Variants in MED13 observed in about 807,000 individuals in gnomAD.
The protein encoded by MED13 is mediator of RNA polymerase II transcription subunit 13.
A neutral mutation model predicts 225.2 loss-of-function variants in MED13; 23 were observed. That is an observed-to-expected ratio of 0.10 (90% CI 0.07 to 0.14). MED13 has a LOEUF of 0.14. MED13 is among the 10% of genes least tolerant of loss of function. The pLI is 1.00. For synonymous variants in MED13, 942 were observed against 889.2 expected (o/e 1.06, Z -1.06); for missense variants, 2,197 against 2,594.5 (o/e 0.85, Z 3.33).
rs967593384 is a variant in MED13 at position 62,016,180 on chromosome 17, A to AC, written c.1284-4948_1284-4947insG. 2.7e-4 allele frequency among the ~76,000 whole-genome samples: 40 copies of AC among 145,736 alleles called. 1 individual carries two copies. The highest frequency in any genetic ancestry group is 9.3e-4 in the African/African-American group (37 of 39,996). ...ACACAAAAAACCAAGAACAACAACA[A>AC]AAAAAAAAACCCAGCAGGTCCTACC... On this transcript the variant is annotated intron_variant, in intron 8 of 29. Transcript: ENST00000397786.
At chr17:62,060,680 T>C (rs1315580604) in intron 2 of MED13, among the ~76,000 whole-genome samples, 4 of 151,082 alleles carry the variant, frequency 2.6e-5, no homozygotes, top group African/African-American at 9.7e-5. Context: ...CAAAATTATT[T>C]TCATTCACGT....
chr17:61,964,999 A>G lies in MED13; in HGVS notation c.4844+7T>C. On this transcript the variant is annotated splice_region_variant and intron_variant, in intron 20 of 29. Coordinates refer to ENST00000397786, the MANE Select transcript of MED13 (RefSeq NM_005121.3). ...ATTTCTGCAAAAATCAGTATTTTTAAAGGTACCTTTCAGACACATCAGGAT... is the reference window on the plus strand; with the variant it reads ...ATTTCTGCAAAAATCAGTATTTTTAGAGGTACCTTTCAGACACATCAGGAT... The G allele has an allele frequency of 6.2e-7, 1 of 1,600,154 alleles. No homozygotes were observed. Among genetic ancestry groups the G allele is most frequent in the Non-Finnish European group, 8.5e-7 (1 of 1,174,218 alleles).
chr17:62,010,284 G>A, intron 9 of MED13: 1 of 300,500 alleles, frequency 3.3e-6, no homozygotes, highest in East Asian at 5.5e-5. Flanking sequence ...AACAGTACAT[G>A]GGAATTCTAA....
intron 8 of MED13, among the ~76,000 whole-genome samples, chr17:62,015,207 G>C (rs1349710387): frequency 6.6e-6 from 1 of 152,116 alleles, no homozygotes; most frequent in African/African-American, 2.4e-5. Flanking sequence ...CATAATATTA[G>C]GTATGACGGT....
At chr17:62,056,224 T>C (rs2080995325) in intron 2 of MED13, among the ~76,000 whole-genome samples, 1 of 151,900 alleles carries the variant, frequency 6.6e-6, no homozygotes, top group South Asian at 2.1e-4. Flanking sequence ...CCTGACAATC[T>C]AATAACTGTA....
intron 9 of MED13, among the ~76,000 whole-genome samples, chr17:62,008,466 G>A (rs1160912554): frequency 6.6e-6 from 1 of 151,848 alleles, no homozygotes; most frequent in Non-Finnish European, 1.5e-5. Context: ...AGAAGAGATC[G>A]CGTTTTTTTA....
intron 3 of MED13, among the ~76,000 whole-genome samples, chr17:62,045,273 C>CT (rs1368352067): frequency 1.3e-5 from 2 of 152,154 alleles, no homozygotes; most frequent in African/African-American, 4.8e-5. Context: ...GCATTTAAAA[C>CT]TTTTGCTAAA....
intron 27 of MED13, among the ~76,000 whole-genome samples, chr17:61,952,231 G>A (rs2079902819): frequency 6.6e-6 from 1 of 152,176 alleles, no homozygotes; most frequent in African/African-American, 2.4e-5. Flanking sequence ...GTTATTAACT[G>A]AAGCCCAGTT....
At position 61,946,955 on chromosome 17, in the gene MED13, G is replaced by A; in HGVS notation, c.6354C>T (p.Ser2118=). 1 of 1,614,034 alleles carries A rather than the reference G, an allele frequency of 6.2e-7. No individual in the cohort carries two copies. The highest frequency in any genetic ancestry group is 1.1e-5 in the South Asian group (1 of 91,074). ...AAGTCTGATTTGAGTCAAGTGGGTG[G>A]GAGTGTTTACTGTGAAGCAGCTCGT... ...QSDELLHSKH[S]HPLDSNQTSD... is the part of the protein sequence containing the mutation. Residue 2118 remains serine (S), a synonymous_variant, in exon 29 of 30, where the codon TCC becomes TCT. Coordinates refer to ENST00000397786, the MANE Select transcript of MED13 (RefSeq NM_005121.3).
chr17:62,046,837 CAA>C (rs892408853), intron 3 of MED13, among the ~76,000 whole-genome samples: 1 of 141,944 alleles, frequency 7.0e-6, no homozygotes. Flanking sequence ...GACCTTATCT[CAA>C]AAAAAAAAAG....
intron 5 of MED13, among the ~76,000 whole-genome samples, chr17:62,032,888 G>A (rs959632130): frequency 2.0e-5 from 3 of 152,122 alleles, no homozygotes; most frequent in Non-Finnish European, 1.5e-5. Flanking sequence ...GGTGGCTCAC[G>A]CCAGTAATCC....
intron 3 of MED13, among the ~76,000 whole-genome samples, chr17:62,052,031 G>A (rs1419201088): frequency 6.6e-6 from 1 of 152,040 alleles, no homozygotes; most frequent in East Asian, 1.9e-4. Context: ...CATTGCTCAA[G>A]AAAATTATAA....
chr17:61,981,596 C>CT (rs1330020814), intron 16 of MED13, among the ~76,000 whole-genome samples: 1 of 152,172 alleles, frequency 6.6e-6, no homozygotes, highest in Non-Finnish European at 1.5e-5. Flanking sequence ...CTGAAACACT[C>CT]TTCCCTCATT....
intron 8 of MED13, among the ~76,000 whole-genome samples, chr17:62,024,999 G>A (rs1184087719): frequency 6.6e-6 from 1 of 152,104 alleles, no homozygotes; most frequent in Admixed American, 6.6e-5. Flanking sequence ...ACATTCCCGT[G>A]CATGTGTCTT....
chr17:62,036,854 T>C (rs1460345179), intron 3 of MED13: 2 of 152,226 alleles, frequency 1.3e-5, no homozygotes, highest in Non-Finnish European at 1.5e-5. Flanking sequence ...AGGTAGTGAG[T>C]TACCTCAGTT....
At chr17:62,001,807 ATACAC>A (rs2080397722) in intron 9 of MED13, among the ~76,000 whole-genome samples, 1 of 152,336 alleles carries the variant, frequency 6.6e-6, no homozygotes, top group South Asian at 2.1e-4. Flanking sequence ...AATTTATTTT[ATACAC>A]TAACAGTGCC....
At chr17:61,964,929 G>A (rs1319077018) in intron 20 of MED13, 77 bp downstream of exon 20, 1 of 1,332,026 alleles carries the variant, frequency 7.5e-7, no homozygotes, top group Non-Finnish European at 1.0e-6. Flanking sequence ...GAGTGAGACT[G>A]TGTCTCAAGA....
rs758889821 is a variant in MED13, at chr17:61,962,777, T to G, written c.5039A>C (p.His1680Pro). 12 of 1,613,936 alleles carry G rather than the reference T, an allele frequency of 7.4e-6. No individual in the cohort carries two copies. Among genetic ancestry groups the G allele is most frequent in the African/African-American group, 6.7e-5 (5 of 74,914 alleles). ...FLEMVQTLPP[H>P]IKSTVSVQII... ...CTGTACAGAAACAGTACTCTTGATA[T>G]GAGGAGGAAGAGTCTGGACCATTTC... Residue 1680 changes from histidine to proline, a missense_variant, in exon 21 of 30, where the codon CAT (histidine) becomes CCT (proline). By Grantham distance (77) the His-to-Pro change is moderately conservative. Transcript: ENST00000397786.
intron 2 of MED13, among the ~76,000 whole-genome samples, chr17:62,058,214 C>A (rs2081010123): frequency 6.6e-6 from 1 of 151,910 alleles, no homozygotes; most frequent in East Asian, 1.9e-4. Flanking sequence ...CTACAAAATA[C>A]AATTTTTAAA....
Sources: gnomAD v4.1 joint callset for allele counts (sites outside exome capture counted in the v4.1 genomes callset) on GRCh38, gnomAD v4.1.1 for gene constraint, MANE v1.5 for transcripts, NCBI Gene and HGNC (gene_info 2026-07-23, HGNC 2026-07-21) for gene names.